The following POGK variants were observed in gnomAD, a reference collection of about 807,000 sequenced individuals.
POGK encodes the protein pogo transposable element derived with KRAB domain.
A neutral mutation model predicts 54.4 loss-of-function variants in POGK; 16 were observed. That is an observed-to-expected ratio of 0.29 (90% CI 0.20 to 0.45). The LOEUF is 0.45. Ranked by LOEUF, POGK falls within the 20% of genes least tolerant of loss-of-function variation. The pLI, the probability that POGK is intolerant of heterozygous loss-of-function variation, is 1.00. For missense variants in POGK, 515 were observed against 795.6 expected (o/e 0.65, Z 4.24); for synonymous variants, 271 against 302.2 (o/e 0.90, Z 1.07).
At chr1:166,841,330 G>C (rs1657503447) in intron 2 of POGK, among the ~76,000 whole-genome samples, 1 of 152,242 alleles carries the variant, frequency 6.6e-6, no homozygotes, top group Non-Finnish European at 1.5e-5. Context: ...TAGAAGCCAG[G>C]ACCTTGTCTC....
chr1:166,841,145 C>G, intron 2 of POGK, 57 bp downstream of exon 2: 2 of 1,596,352 alleles, frequency 1.3e-6, no homozygotes, highest in Non-Finnish European at 1.7e-6. Flanking sequence ...GAGAGCCCAG[C>G]TTGCTTTAAG....
intron 5 of POGK, chr1:166,850,655 T>C (rs1254262351): frequency 1.3e-5 from 6 of 450,630 alleles, no homozygotes; most frequent in Non-Finnish European, 2.3e-5. Context: ...CCACCTGAGC[T>C]CCGCCCGCTG....
At chr1:166,841,304 G>A (rs577091056) in intron 2 of POGK, among the ~76,000 whole-genome samples, 1 of 152,320 alleles carries the variant, frequency 6.6e-6, no homozygotes, top group African/African-American at 2.4e-5. Flanking sequence ...GCTTGTCATC[G>A]TTCAATTGGA....
At chr1:166,840,022 A>C (rs1460264390) in intron 1 of POGK, 3 of 152,138 alleles carry the variant, frequency 2.0e-5, no homozygotes, top group Non-Finnish European at 4.4e-5. Context: ...ACCGCCGCCA[A>C]GTTCGGGCCC....
chr1:166,847,357 A>G, intron 3 of POGK, 137 bp from the exon 4 acceptor site: 1 of 627,420 alleles, frequency 1.6e-6, no homozygotes, highest in Non-Finnish European at 2.7e-6. Flanking sequence ...TTTTTTCTTT[A>G]AGTATCCCTG....
intron 3 of POGK, 98 bp downstream of exon 3, chr1:166,846,836 A>G (rs1657868706): frequency 2.7e-6 from 4 of 1,476,886 alleles, no homozygotes; most frequent in Non-Finnish European, 3.7e-6. Flanking sequence ...CTCTCTCCTG[A>G]ACTTAGACTC....
At chr1:166,847,097 C>G (rs193102168) in intron 3 of POGK, among the ~76,000 whole-genome samples, 3 of 152,306 alleles carry the variant, frequency 2.0e-5, no homozygotes, top group Non-Finnish European at 4.4e-5. Context: ...TGGGGACATA[C>G]CCTCCCAAAG....
rs1021192456 is a variant in POGK, at chr1:166,853,802, C to T, written c.*1232C>T. 7.2e-5 allele frequency: 11 copies of T among 152,274 alleles called. No homozygotes were observed. Among genetic ancestry groups the T allele is most frequent in the African/African-American group, 2.7e-4 (11 of 41,358 alleles). The allele number at this position is 152,274 out of a possible 1,614,324, so 9.4% of individuals were successfully genotyped here. A position where few individuals can be genotyped will look rare whatever the true frequency, so the allele number is the denominator to read the frequency against. ...AACTGTTCTTGGCATCTTGAAACAC[C>T]TATTTCTACTCAGGTACTCATTGTC... On this transcript the variant is annotated 3_prime_UTR_variant, in exon 6 of 6. Transcript: ENST00000367876.
chr1:166,844,682 A>C (rs1657761717), intron 2 of POGK, among the ~76,000 whole-genome samples: 1 of 152,224 alleles, frequency 6.6e-6, no homozygotes, highest in Admixed American at 6.5e-5. Flanking sequence ...ACTACTAGCT[A>C]CAGGAAGTGT....
Position 166,847,607 on chromosome 1 carries a change from G to T in POGK, c.358+15G>T. 6.3e-7 allele frequency: 1 copy of T among 1,593,198 alleles called. No homozygotes were observed. The highest frequency in any genetic ancestry group is 8.6e-7 in the Non-Finnish European group (1 of 1,161,494). On this transcript the variant is annotated intron_variant, in intron 4 of 5. Coordinates refer to ENST00000367876, the MANE Select transcript of POGK (RefSeq NM_017542.5). ...CACCTCTGCAGGTACTACAAGTAAA[G>T]CAGTTCAGCGTCCATCCAGCTGGGA...
intron 4 of POGK, among the ~76,000 whole-genome samples, chr1:166,848,651 C>G (rs1247274592): frequency 1.3e-5 from 2 of 152,220 alleles, no homozygotes; most frequent in Non-Finnish European, 2.9e-5. Flanking sequence ...CTGCCACTTT[C>G]TGGCTTGGCT....
At position 166,849,611 on chromosome 1, in the gene POGK, C is replaced by T. The variant is rs181432813; in HGVS notation, c.1032C>T (p.Arg344=). The T allele has an allele frequency of 3.0e-5, 49 of 1,614,278 alleles. No individual in the cohort carries two copies. The highest frequency in any genetic ancestry group is 2.7e-4 in the Admixed American group (16 of 60,036). Residue 344 remains arginine, a synonymous_variant, in exon 5 of 6, where the codon CGC becomes CGT. Coordinates refer to ENST00000367876, the MANE Select transcript of POGK (RefSeq NM_017542.5). ...DLTEKLVTYQ[R]SVLALRRAHD... is the part of the protein sequence containing the mutation. ...CTGAGAAACTCGTCACTTACCAGCGCAGTGTCCTGGCTCTGCGCAGGGCGC... is the reference window on the plus strand; with the variant it reads ...CTGAGAAACTCGTCACTTACCAGCGTAGTGTCCTGGCTCTGCGCAGGGCGC...
intron 4 of POGK, 91 bp downstream of exon 4, chr1:166,847,683 T>C: frequency 1.0e-6 from 1 of 983,970 alleles, no homozygotes; most frequent in South Asian, 1.6e-5. Context: ...ATTTAAGAGG[T>C]AGAAGGATTA....
intron 2 of POGK, among the ~76,000 whole-genome samples, chr1:166,841,717 T>C (rs138310311): frequency 6.6e-6 from 1 of 152,368 alleles, no homozygotes; most frequent in African/African-American, 2.4e-5. Flanking sequence ...ATAGTAAACA[T>C]TTTAAATAAG....
intron 5 of POGK, 52 bp from the exon 6 acceptor site, chr1:166,852,533 G>T (rs1187658623): frequency 2.0e-5 from 3 of 152,226 alleles, no homozygotes; most frequent in Non-Finnish European, 4.4e-5. Flanking sequence ...TTTGTTAAAA[G>T]TTATACCAAA....
intron 5 of POGK, chr1:166,852,136 AC>A (rs1274321524): frequency 1.3e-5 from 2 of 152,180 alleles, no homozygotes; most frequent in East Asian, 1.9e-4. Context: ...TTTTCTGCTG[AC>A]CCTTATATTG....
At chr1:166,848,495 A>G (rs2101761607) in intron 4 of POGK, among the ~76,000 whole-genome samples, 1 of 152,366 alleles carries the variant, frequency 6.6e-6, no homozygotes, top group East Asian at 1.9e-4. Context: ...CTAAAGGGAT[A>G]TGATTCAGGC....
In POGK at chr1:166,841,098, A is replaced by G; in HGVS notation, c.132+10A>G. 2 of 1,613,168 alleles carry G rather than the reference A, an allele frequency of 1.2e-6. No homozygotes were observed. Among genetic ancestry groups the G allele is most frequent in the Non-Finnish European group, 1.7e-6 (2 of 1,179,804 alleles). On this transcript the variant is annotated intron_variant, in intron 2 of 5. Coordinates refer to ENST00000367876, the MANE Select transcript of POGK (RefSeq NM_017542.5). ...CTCTGAGGGCGGATGGGTAAGTAAGAAGGTGTGGAGTCCACACAGCCAGCA... is the reference window on the plus strand; with the variant it reads ...CTCTGAGGGCGGATGGGTAAGTAAGGAGGTGTGGAGTCCACACAGCCAGCA...
intron 1 of POGK, chr1:166,840,276 G>A (rs901728466): frequency 3.3e-5 from 5 of 152,344 alleles, no homozygotes; most frequent in African/African-American, 1.2e-4. Flanking sequence ...GAGGCAATGG[G>A]TTATTTCCCT....
Sources: allele counts gnomAD v4.1 joint callset (sites outside exome capture counted in the v4.1 genomes callset), GRCh38; gene constraint gnomAD v4.1.1; transcripts MANE v1.5; gene names NCBI Gene and HGNC (gene_info 2026-07-23, HGNC 2026-07-21).